ARHGAP44: variants seen among roughly 807,000 people sequenced by gnomAD.
The protein encoded by ARHGAP44 is Rho GTPase activating protein 44.
In ARHGAP44, 43 loss-of-function variants were observed where a neutral mutation model predicts 106.8. The ratio of observed to expected loss-of-function variants is 0.40; its 90% CI spans 0.32 to 0.52. ARHGAP44 has a LOEUF of 0.52. Ranked by LOEUF, ARHGAP44 falls within the 20% of genes least tolerant of loss-of-function variation. The probability of loss-of-function intolerance (pLI) is 0.48; values close to 1 mark genes in which losing one functional copy is unlikely to be tolerated. For missense variants in ARHGAP44, 866 were observed against 1,050.5 expected (o/e 0.82, Z 2.43); for synonymous variants, 439 against 410.3 (o/e 1.07, Z -0.85).
rs139466066 is a variant in ARHGAP44, at chr17:12,882,705, C to T, written c.54-12235C>T. Among the ~76,000 whole-genome samples, 727 of 152,028 alleles carry T rather than the reference C, an allele frequency of 4.8e-3. 5 individuals carry two copies. Among genetic ancestry groups the T allele is most frequent in the African/African-American group, 0.017 (698 of 41,510 alleles). ...CATTTTTGAGATAGTCTTATTTTGC[C>T]CTTTAATTTGTGCATGTGATGAATT... On this transcript the variant is annotated intron_variant, in intron 1 of 20. Transcript: ENST00000379672.
rs116441857 is a variant in ARHGAP44, at chr17:12,958,713, G to A, written c.1343-4G>A. 1.7e-3 allele frequency: 2,794 copies of A among 1,613,446 alleles called. 41 individuals are homozygous for A. The African/African-American group carries it at 0.029, about 17-fold the overall frequency. ...CACATGTACCAATTCTTTCTTCCCC[G>A]CAGAGATAGAGTTCAACATTACTGG... On this transcript the variant is annotated splice_polypyrimidine_tract_variant and splice_region_variant and intron_variant, in intron 15 of 20. Coordinates refer to ENST00000379672, the MANE Select transcript of ARHGAP44 (RefSeq NM_014859.6). This position sits in a 1 kb window ranked among gnomAD's most constrained non-coding sequence, Gnocchi z 4.1.
At chr17:12,797,337 C>T (rs550413613) in intron 1 of ARHGAP44, among the ~76,000 whole-genome samples, 16 of 152,260 alleles carry the variant, frequency 1.1e-4, no homozygotes, top group African/African-American at 3.4e-4. Context: ...ATAATACTTA[C>T]GCTTTTTAAA....
intron 1 of ARHGAP44, among the ~76,000 whole-genome samples, chr17:12,894,252 G>C (rs147630565): frequency 6.6e-6 from 1 of 151,770 alleles, no homozygotes; most frequent in Non-Finnish European, 1.5e-5. Context: ...GTGTGTGTGT[G>C]TGTGTGTGCA....
chr17:12,984,729 T>A lies in ARHGAP44; in HGVS notation c.2138T>A (p.Leu713Gln). The A allele has an allele frequency of 6.2e-7, 1 of 1,608,708 alleles. No homozygotes were observed. Among genetic ancestry groups the A allele is most frequent in the Non-Finnish European group, 8.5e-7 (1 of 1,176,892 alleles). ...GQLSPAAAPP[L>Q]ASPSVFTSTL... ...CTCTCCCCAGCTGCAGCTCCTCCCCTGGCCTCTCCTTCTGTCTTTACAAGC... is the reference window on the plus strand; with the variant it reads ...CTCTCCCCAGCTGCAGCTCCTCCCCAGGCCTCTCCTTCTGTCTTTACAAGC... The change falls in exon 20 of 21, where the codon CTG (leucine) becomes CAG (glutamine). Residue 713 changes from leucine to glutamine, a missense_variant. Physicochemically the swap from Leu to Gln is moderately radical, Grantham distance 113. Coordinates refer to ENST00000379672, the MANE Select transcript of ARHGAP44 (RefSeq NM_014859.6).
chr17:12,903,527 G>T (rs1171942629), intron 3 of ARHGAP44, among the ~76,000 whole-genome samples: 2 of 151,984 alleles, frequency 1.3e-5, no homozygotes, highest in East Asian at 3.9e-4. Flanking sequence ...GAGGGAAAAA[G>T]ATTTTGGGAG....
rs145122258 is a variant in ARHGAP44, at chr17:12,833,129, T to G, written c.53+43238T>G. The stretch of plus-strand genomic sequence containing the variant: ...GAACAGCTTAGGGTAGTCTTCGTTC[T>G]GTTTCTCTGTTTTGTCGGAGAGGGC... On this transcript the variant is annotated intron_variant, in intron 1 of 20. Transcript: ENST00000379672. Among the ~76,000 whole-genome samples, 1,002 of 152,324 alleles carry G rather than the reference T, an allele frequency of 6.6e-3. 9 individuals are homozygous for G. Among genetic ancestry groups the G allele is most frequent in the African/African-American group, 0.023 (952 of 41,566 alleles).
At chr17:12,913,346 G>A (rs1269864228) in intron 4 of ARHGAP44, among the ~76,000 whole-genome samples, 1 of 152,006 alleles carries the variant, frequency 6.6e-6, no homozygotes, top group Admixed American at 6.6e-5. Context: ...AAACAAGCAA[G>A]CCAAAACAAG....
At chr17:12,816,712 T>C (rs893125227) in intron 1 of ARHGAP44, among the ~76,000 whole-genome samples, 3 of 152,064 alleles carry the variant, frequency 2.0e-5, no homozygotes, top group Admixed American at 1.3e-4. Context: ...AAAGACAAAA[T>C]AATTCTACGT....
At chr17:12,912,147 GA>G (rs1307080526) in intron 4 of ARHGAP44, among the ~76,000 whole-genome samples, 1 of 151,964 alleles carries the variant, frequency 6.6e-6, no homozygotes, top group Non-Finnish European at 1.5e-5. Flanking sequence ...TGTAGGGGAG[GA>G]AAAAAGGTTA....
At chr17:12,851,643 A>G (rs2035745199) in intron 1 of ARHGAP44, among the ~76,000 whole-genome samples, 1 of 152,052 alleles carries the variant, frequency 6.6e-6, no homozygotes, top group Non-Finnish European at 1.5e-5. Flanking sequence ...CATGTTAGTC[A>G]TGGCTGGTCT....
chr17:12,873,681 T>C (rs1283891011), intron 1 of ARHGAP44, among the ~76,000 whole-genome samples: 1 of 152,114 alleles, frequency 6.6e-6, no homozygotes, highest in African/African-American at 2.4e-5. Flanking sequence ...ATGGATCACC[T>C]GAGGTCAGGA....
rs1399934672 is a variant in ARHGAP44 at position 12,990,485 on chromosome 17, AG to A, written c.*316del. The A allele has an allele frequency of 3.4e-6, 1 of 292,614 alleles. No homozygotes were observed. The highest frequency in any genetic ancestry group is 6.7e-5 in the East Asian group (1 of 15,008). 18.1% of individuals were successfully genotyped at this position (292,614 alleles called of 1,614,324 possible). On this transcript the variant is annotated 3_prime_UTR_variant, in exon 21 of 21. Coordinates refer to ENST00000379672, the MANE Select transcript of ARHGAP44 (RefSeq NM_014859.6). ...CCCACCTCTCCATCCAAGGCTGGTC[AG>A]GAACGTCCTTTGCAGGGTCGGGGTG...
chr17:12,894,227 TGAGA>T (rs796631389), intron 1 of ARHGAP44, among the ~76,000 whole-genome samples: 1,723 of 147,336 alleles, frequency 0.012, 31 homozygotes, highest in African/African-American at 0.042. Context: ...TGTGTGTGTG[TGAGA>T]GAGAGAGAGA....
At chr17:12,929,180 G>A (rs1250020781) in intron 7 of ARHGAP44, 134 bp downstream of exon 7, 7 of 766,574 alleles carry the variant, frequency 9.1e-6, no homozygotes, top group Non-Finnish European at 1.5e-5. Context: ...AAGCCCGCCG[G>A]CTAGCATCTC....
chr17:12,978,175 T>C (rs1012276143), intron 18 of ARHGAP44, among the ~76,000 whole-genome samples: 1 of 152,128 alleles, frequency 6.6e-6, no homozygotes, highest in African/African-American at 2.4e-5. Context: ...TTTAGTTTGC[T>C]GATTATGAGA....
intron 6 of ARHGAP44, among the ~76,000 whole-genome samples, chr17:12,920,353 G>A (rs2038042759): frequency 8.4e-6 from 1 of 118,496 alleles, no homozygotes; most frequent in South Asian, 2.9e-4. Context: ...TCCAGCCTGG[G>A]CGACAGAGCA....
chr17:12,853,570 G>A (rs973999123), intron 1 of ARHGAP44, among the ~76,000 whole-genome samples: 1 of 152,216 alleles, frequency 6.6e-6, no homozygotes, highest in Non-Finnish European at 1.5e-5. Context: ...GAATGAGGGA[G>A]CTGGAGGCAC....
At chr17:12,954,566 G>A (rs952039513) in intron 13 of ARHGAP44, among the ~76,000 whole-genome samples, 1 of 152,200 alleles carries the variant, frequency 6.6e-6, no homozygotes, top group South Asian at 2.1e-4. Flanking sequence ...TGATTACATG[G>A]TAGGACATGA....
chr17:12,956,130 G>A, intron 14 of ARHGAP44, 150 bp downstream of exon 14: 1 of 614,636 alleles, frequency 1.6e-6, no homozygotes, highest in Non-Finnish European at 2.9e-6. Flanking sequence ...CTTTTAGGCT[G>A]AGGAGGAGGC....
Sources: gnomAD v4.1 joint callset for allele counts (sites outside exome capture counted in the v4.1 genomes callset) on GRCh38, gnomAD v4.1.1 for gene constraint, Gnocchi (gnomAD v3.1) non-coding constraint, MANE v1.5 for transcripts, NCBI Gene and HGNC (gene_info 2026-07-23, HGNC 2026-07-21) for gene names.